Variants in PLPPR3 observed in about 807,000 individuals in gnomAD.
PLPPR3 encodes the protein phospholipid phosphatase related 3, also known as phospholipid phosphatase-related protein type 3.
Under a neutral mutation model 27.3 loss-of-function variants are expected in PLPPR3, and 14 were observed. The observed-to-expected ratio is 0.51, with a 90% CI of 0.34 to 0.80. PLPPR3 has a LOEUF of 0.80. PLPPR3 is among the 30% of genes least tolerant of loss of function. PLPPR3 has a pLI of 0.01. For synonymous variants in PLPPR3, 671 were observed against 508.0 expected (o/e 1.32, Z -4.32); for missense variants, 1,287 against 1,056.9 (o/e 1.22, Z -3.02).
chr19:819,446 T>C (rs1292857598), intron 2 of PLPPR3, among the ~76,000 whole-genome samples: 1 of 151,308 alleles, frequency 6.6e-6, no homozygotes, highest in Non-Finnish European at 1.5e-5. Flanking sequence ...ACGACCACCA[T>C]GCCCAGCTAA....
At position 812,938 on chromosome 19, in the gene PLPPR3, C is replaced by T. The variant is rs1599255245; in HGVS notation, c.1789G>A (p.Ala597Thr). Residue 597 changes from alanine (A) to threonine (T), a missense_variant, in exon 8 of 8, where the codon GCC becomes ACC. Transcript: ENST00000520876. ...APHHPVVHLS[A>T]GGAPWEWKAA... Reference sequence around the variant, plus strand: ...TTCCACTCCCAGGGCGCGCCGCCGGCCGACAGGTGCACCACGGGGTGGTGC... The same window carrying T: ...TTCCACTCCCAGGGCGCGCCGCCGGTCGACAGGTGCACCACGGGGTGGTGC... 1 of 1,365,626 alleles carries T rather than the reference C, an allele frequency of 7.3e-7. No homozygotes were observed. Among genetic ancestry groups the T allele is most frequent in the Non-Finnish European group, 9.4e-7 (1 of 1,059,252 alleles). The allele number at this position is 1,365,626 out of a possible 1,614,324, so 84.6% of individuals were successfully genotyped here.
intron 6 of PLPPR3, 28 bp from the exon 7 acceptor site, chr19:814,635 G>A: frequency 1.2e-6 from 2 of 1,610,842 alleles, no homozygotes; most frequent in South Asian, 2.2e-5. Context: ...GGGTCAGGGA[G>A]GGCTCCCCAC....
upstream of PLPPR3, among the ~76,000 whole-genome samples, chr19:822,611 C>T (rs1338613144): frequency 2.0e-5 from 3 of 152,120 alleles, no homozygotes; most frequent in East Asian, 3.9e-4. Flanking sequence ...GATTGCGGGG[C>T]GCGGGGCTGG....
intron 1 of PLPPR3, 27 bp from the exon 2 acceptor site, chr19:821,612 G>A: frequency 3.6e-6 from 5 of 1,384,990 alleles, no homozygotes; most frequent in South Asian, 1.4e-5. Flanking sequence ...GGCGCTGGAG[G>A]GGGGCGCGCA....
intron 1 of PLPPR3, 82 bp from the exon 2 acceptor site, chr19:821,667 G>A: frequency 1.4e-6 from 1 of 702,206 alleles, no homozygotes; most frequent in South Asian, 2.5e-5. Context: ...GGCGGGGGAG[G>A]GGCGGTCGGG....
Position 813,329 on chromosome 19 carries a change from G to C in PLPPR3, c.1398C>G (p.Pro466=). ...EEEEDEGPAP[P]SLYPTVQARP... ...GCGCCTGCACGGTGGGGTAGAGCGA[G>C]GGCGGGGCCGGGCCCTCGTCCTCCT... Residue 466 remains proline (P), a synonymous_variant, in exon 8 of 8, where the codon CCC becomes CCG. Coordinates refer to ENST00000520876, the MANE Select transcript of PLPPR3 (RefSeq NM_001270366.2). This position sits in a 1 kb window ranked among gnomAD's most constrained non-coding sequence, Gnocchi z 4.1. 6.8e-7 allele frequency: 1 copy of C among 1,470,168 alleles called. No individual in the cohort carries two copies. The highest frequency in any genetic ancestry group is 8.9e-7 in the Non-Finnish European group (1 of 1,120,776). The allele number at this position is 1,470,168 out of a possible 1,614,324, so 91.1% of individuals were successfully genotyped here.
chr19:812,883 G>A lies in PLPPR3; in HGVS notation c.1844C>T (p.Ala615Val), dbSNP rs1166744998. The change falls in exon 8 of 8, where the codon GCC (alanine) becomes GTC (valine). Residue 615 changes from alanine (A) to valine (V), a missense_variant. Coordinates refer to ENST00000520876, the MANE Select transcript of PLPPR3 (RefSeq NM_001270366.2). ...GTCCCCCAGCTCGTAGCCGCCGTCG[G>A]CCTCCGCCTTGGCCCCGCCGCCCGC... ...KAAGGGAKAE[A>V]DGGYELGDLA... The A allele has an allele frequency of 4.1e-6, 5 of 1,232,840 alleles. No homozygotes were observed. The East Asian group carries it at 1.4e-4, about 34-fold the overall frequency. The allele number at this position is 1,232,840 out of a possible 1,614,324, so 76.4% of individuals were successfully genotyped here. A position where few individuals can be genotyped will look rare whatever the true frequency, so the allele number is the denominator to read the frequency against.
Position 812,668 on chromosome 19 carries a change from G to A in PLPPR3, c.2059C>T (p.Arg687Trp), listed in dbSNP as rs1479212572. The A allele has an allele frequency of 3.8e-6, 4 of 1,057,266 alleles. No individual in the cohort carries two copies. The highest frequency in any genetic ancestry group is 1.7e-5 in the African/African-American group (1 of 57,388). The allele number at this position is 1,057,266 out of a possible 1,614,324, so 65.5% of individuals were successfully genotyped here. ...AGCCCCAGGCCGCCCGCGTGGCGCC[G>A]CAGCGTGGACTCCCGGCTGCCCGGG... ...LGPGSRESTL[R>W]RHAGGLGLAE... Residue 687 changes from arginine (R) to tryptophan (W), a missense_variant, in exon 8 of 8, where the codon CGG (arginine) becomes TGG (tryptophan). Transcript: ENST00000520876.
At chr19:816,324 T>C (rs578127114) in intron 2 of PLPPR3, among the ~76,000 whole-genome samples, 1 of 121,772 alleles carries the variant, frequency 8.2e-6, no homozygotes, top group Non-Finnish European at 1.7e-5. Flanking sequence ...CAACTGTCCA[T>C]CCATCCACCC....
At chr19:822,488 G>A (rs1322347969), upstream of PLPPR3, among the ~76,000 whole-genome samples, 1 of 152,112 alleles carries the variant, frequency 6.6e-6, no homozygotes, top group Non-Finnish European at 1.5e-5. Context: ...GGGGGAGGGG[G>A]ACTGGGGGGT....
At position 812,593 on chromosome 19, in the gene PLPPR3, G is replaced by A. The variant is rs1413625885; in HGVS notation, c.2134C>T (p.Gln712Ter). Residue 712 changes from glutamine to a stop codon, truncating the protein, a stop_gained, in exon 8 of 8, where the codon CAG (glutamine) becomes TAG (stop). Coordinates refer to ENST00000520876, the MANE Select transcript of PLPPR3 (RefSeq NM_001270366.2). LOFTEE classifies it high-confidence loss of function. ...CGCTAGTCGGGGAAGCGGCGCGCCT[G>A]CATCTTGCGGAAGTAGCCCTCGGCC... is the stretch of plus-strand genomic sequence containing the variant. ...AEAEGYFRKM[Q>*]ARRFPD 23 of 1,102,436 alleles carry A rather than the reference G, an allele frequency of 2.1e-5. No individual in the cohort carries two copies. The South Asian group carries it at 4.2e-4, about 20-fold the overall frequency. The allele number at this position is 1,102,436 out of a possible 1,614,324, so 68.3% of individuals were successfully genotyped here.
In PLPPR3 at chr19:815,283, C is replaced by A; in HGVS notation, c.306G>T (p.Leu102=). 6.4e-7 allele frequency: 1 copy of A among 1,553,818 alleles called. No homozygotes were observed. Among genetic ancestry groups the A allele is most frequent in the Non-Finnish European group, 8.7e-7 (1 of 1,150,904 alleles). Residue 102 remains leucine, a synonymous_variant, in exon 4 of 8, where the codon CTG becomes CTT. Transcript: ENST00000520876. ...CGGCGGGCCCCCCGGCACGGCCCCA[C>A]AGCCGGGACTGCAGACAGTACAACA... The part of the protein sequence containing the change: ...EGMLYCLQSR[L]WGRAGGPAGA...
Position 813,604 on chromosome 19 carries a change from G to T in PLPPR3, c.1123C>A (p.His375Asn). 6.5e-7 allele frequency: 1 copy of T among 1,547,584 alleles called. No individual in the cohort carries two copies. The highest frequency in any genetic ancestry group is 8.7e-7 in the Non-Finnish European group (1 of 1,147,660). Reference sequence around the variant, plus strand: ...GGCGCGCTGGCCCTGGGCAGCGTGTGGCTGAAGGTCACCATGTTCTCCTTG... The same window carrying T: ...GGCGCGCTGGCCCTGGGCAGCGTGTTGCTGAAGGTCACCATGTTCTCCTTG... ...MAKENMVTFS[H>N]TLPRASAPSL... The change falls in exon 8 of 8, where the codon CAC becomes AAC. Residue 375 changes from histidine to asparagine, a missense_variant. His to Asn is a moderately conservative substitution (Grantham distance 68, BLOSUM62 1). Coordinates refer to ENST00000520876, the MANE Select transcript of PLPPR3 (RefSeq NM_001270366.2). The surrounding 1 kb of genome is among the most constrained non-coding windows in gnomAD (Gnocchi z 4.1).
Position 813,642 on chromosome 19 carries a change from C to T in PLPPR3, c.1085G>A (p.Arg362His), listed in dbSNP as rs1397804140. Reference sequence around the variant, plus strand: ...CATGTTCTCCTTGGCCATGGGGCTGCGCGGGGCCAGCAGGTCCACGTCCAC... The same window carrying T: ...CATGTTCTCCTTGGCCATGGGGCTGTGCGGGGCCAGCAGGTCCACGTCCAC... ...ASVDVDLLAPRSPMAKENMVT... is the reference protein window; with the variant it reads ...ASVDVDLLAPHSPMAKENMVT... The change falls in exon 8 of 8, where the codon CGC becomes CAC. Residue 362 changes from arginine (R) to histidine (H), a missense_variant. Arg to His is a conservative substitution (Grantham distance 29, BLOSUM62 0). Coordinates refer to ENST00000520876, the MANE Select transcript of PLPPR3 (RefSeq NM_001270366.2). The surrounding 1 kb of genome is among the most constrained non-coding windows in gnomAD (Gnocchi z 4.1). 6.5e-6 allele frequency: 10 copies of T among 1,538,916 alleles called. No individual in the cohort carries two copies. The highest frequency in any genetic ancestry group is 1.4e-5 in the African/African-American group (1 of 72,656).
intron 5 of PLPPR3, 33 bp from the exon 6 acceptor site, chr19:814,782 C>T (rs1425588731): frequency 6.4e-7 from 1 of 1,558,288 alleles, no homozygotes; most frequent in Admixed American, 1.8e-5. Flanking sequence ...GCCCCGCCCA[C>T]CTGGGGACCC....
chr19:812,810 G>A lies in PLPPR3; in HGVS notation c.1917C>T (p.Pro639=), dbSNP rs1190268445. ...RGGAKPPGVS[P]GSSVSDVDQE... is the part of the protein sequence containing the mutation. ...GGTCCACGTCGCTGACCGACGAGCC[G>A]GGGGACACGCCCGGGGGCTTGGCCC... Residue 639 remains proline, a synonymous_variant, in exon 8 of 8, where the codon CCC becomes CCT. Coordinates refer to ENST00000520876, the MANE Select transcript of PLPPR3 (RefSeq NM_001270366.2). 2.8e-5 allele frequency: 31 copies of A among 1,097,666 alleles called. No homozygotes were observed. The highest frequency in any genetic ancestry group is 1.1e-4 in the South Asian group (3 of 26,272). The allele number at this position is 1,097,666 out of a possible 1,614,324, so 68.0% of individuals were successfully genotyped here. A position where few individuals can be genotyped will look rare whatever the true frequency, so the allele number is the denominator to read the frequency against.
At chr19:815,450 G>A (rs60542606) in intron 3 of PLPPR3, 123 bp from the exon 4 acceptor site, 98 of 1,106,136 alleles carry the variant, frequency 8.9e-5, no homozygotes, top group East Asian at 3.7e-4. Context: ...CCGAGGTGGC[G>A]GGGGTGGGCT....
At chr19:814,038 G>A (rs1295448154) in intron 7 of PLPPR3, 143 bp from the exon 8 acceptor site, 2 of 789,984 alleles carry the variant, frequency 2.5e-6, no homozygotes, top group Non-Finnish European at 1.9e-6. Flanking sequence ...CCACCCCAAG[G>A]TTGCTGACCC....
chr19:818,978 TATTATTA>T (rs2035105817), intron 2 of PLPPR3, among the ~76,000 whole-genome samples: 1 of 109,868 alleles, frequency 9.1e-6, no homozygotes, highest in South Asian at 3.2e-4. Context: ...TTATTTTATT[TATTATTA>T]TTATTTTTTG....
Sources: gnomAD v4.1 joint callset for allele counts (sites outside exome capture counted in the v4.1 genomes callset) on GRCh38, gnomAD v4.1.1 for gene constraint, Gnocchi (gnomAD v3.1) non-coding constraint, MANE v1.5 for transcripts, NCBI Gene and HGNC (gene_info 2026-07-23, HGNC 2026-07-21) for gene names.